CTNNA2: variants seen among roughly 807,000 people sequenced by gnomAD.
CTNNA2 encodes the protein catenin alpha 2.
CTNNA2 carries 42 observed loss-of-function variants against 101.0 expected under a neutral mutation model. That is an observed-to-expected ratio of 0.42 (90% CI 0.32 to 0.54). CTNNA2 has a LOEUF of 0.54. Among genes scored for constraint, CTNNA2 ranks in the 20% least tolerant of loss-of-function variants. The pLI is 0.14. For missense variants in CTNNA2, 871 were observed against 1,223.1 expected (o/e 0.71, Z 4.29); for synonymous variants, 450 against 456.4 (o/e 0.99, Z 0.18).
chr2:79,378,366 A>G lies in CTNNA2; in HGVS notation c.-135+4353A>G, dbSNP rs533388571. Among the ~76,000 whole-genome samples the G allele has an allele frequency of 2.6e-5, 4 of 152,250 alleles. No individual in the cohort carries two copies. In the East Asian group the frequency reaches 7.7e-4, roughly 29 times the overall value. ...AGCTTCAGATGTAATATATGTAAAT[A>G]TTGTGTAAATAAATATACATGTATT... On this transcript the variant is annotated intron_variant, in intron 4 of 21. Coordinates refer to the CTNNA2 transcript ENST00000466387.
At chr2:79,849,419 A>C (rs1400796656) in intron 3 of CTNNA2, among the ~76,000 whole-genome samples, 2 of 152,038 alleles carry the variant, frequency 1.3e-5, no homozygotes, top group Non-Finnish European at 2.9e-5. Flanking sequence ...CTTGGTGCTT[A>C]AAGTGTCCAC....
At chr2:80,602,450 G>A (rs1016185553) in intron 15 of CTNNA2, among the ~76,000 whole-genome samples, 6 of 152,020 alleles carry the variant, frequency 3.9e-5, no homozygotes, top group Non-Finnish European at 8.8e-5. Flanking sequence ...TGTTAGCAAT[G>A]CAGAATCAAA....
At chr2:80,424,542 A>T (rs910190616) in intron 9 of CTNNA2, among the ~76,000 whole-genome samples, 2 of 152,162 alleles carry the variant, frequency 1.3e-5, no homozygotes, top group Non-Finnish European at 2.9e-5. Flanking sequence ...CCTTCCAGAG[A>T]GGATTCACCC....
chr2:80,520,305 C>T (rs1689431835), intron 9 of CTNNA2, among the ~76,000 whole-genome samples: 1 of 151,870 alleles, frequency 6.6e-6, no homozygotes, highest in African/African-American at 2.4e-5. Context: ...GTGCCATCCC[C>T]TTTTCATTAT....
intron 17 of CTNNA2, among the ~76,000 whole-genome samples, chr2:80,608,726 G>C (rs1467669827): frequency 1.3e-5 from 2 of 151,764 alleles, no homozygotes; most frequent in Admixed American, 1.3e-4. Flanking sequence ...ACATGTTAGA[G>C]ATGATGAAAA....
At chr2:79,264,892 A>C (rs2104291461) in intron 2 of CTNNA2, among the ~76,000 whole-genome samples, 1 of 152,254 alleles carries the variant, frequency 6.6e-6, no homozygotes. Flanking sequence ...ATAGCTTTAC[A>C]TTCGAGACTG....
rs556135048 is a variant in CTNNA2, at chr2:79,319,018, G to C, written c.-318+6222G>C. 2.0e-5 allele frequency among the ~76,000 whole-genome samples: 3 copies of C among 152,264 alleles called. No homozygotes were observed. The East Asian group carries it at 5.8e-4, about 29-fold the overall frequency. On this transcript the variant is annotated intron_variant, in intron 3 of 21. Coordinates refer to the CTNNA2 transcript ENST00000466387. ...GATTTTCTGGTGACGGCTGAGGCTA[G>C]TACTAAAGATAAGGAAAGGACTCTA...
At chr2:80,337,446 T>C (rs1373929504) in intron 7 of CTNNA2, among the ~76,000 whole-genome samples, 2 of 151,920 alleles carry the variant, frequency 1.3e-5, no homozygotes, top group African/African-American at 4.8e-5. Flanking sequence ...ATGCTCTATT[T>C]GACTACACTC....
intron 2 of CTNNA2, among the ~76,000 whole-genome samples, chr2:79,298,481 C>T (rs151054670): frequency 4.9e-4 from 75 of 152,196 alleles, no homozygotes; most frequent in African/African-American, 1.7e-3. Flanking sequence ...TTGCGCATCA[C>T]CCCCCAAAAA....
At chr2:79,939,953 G>A (rs184424429) in intron 7 of CTNNA2, among the ~76,000 whole-genome samples, 105 of 152,222 alleles carry the variant, frequency 6.9e-4, no homozygotes, top group Admixed American at 1.1e-3. Context: ...TTAGCTGGGC[G>A]TGGTGGCATA....
At chr2:80,130,017 A>G (rs926973228) in intron 7 of CTNNA2, among the ~76,000 whole-genome samples, 1 of 152,144 alleles carries the variant, frequency 6.6e-6, no homozygotes, top group African/African-American at 2.4e-5. Context: ...ACTGGAGCTC[A>G]GTCTTGCAGG....
intron 7 of CTNNA2, among the ~76,000 whole-genome samples, chr2:80,059,888 G>A (rs924333904): frequency 7.2e-5 from 11 of 152,174 alleles, no homozygotes; most frequent in Admixed American, 5.9e-4. Flanking sequence ...TGGCATTCAG[G>A]AACAAATTCC....
chr2:79,837,992 T>C (rs1679520834), intron 3 of CTNNA2, among the ~76,000 whole-genome samples: 1 of 152,158 alleles, frequency 6.6e-6, no homozygotes, highest in Admixed American at 6.5e-5. Context: ...TGATTATGAA[T>C]ATTTATTATA....
chr2:80,027,239 A>G (rs1026789166), intron 7 of CTNNA2, among the ~76,000 whole-genome samples: 1 of 152,186 alleles, frequency 6.6e-6, no homozygotes, highest in Non-Finnish European at 1.5e-5. Context: ...GGAGGGGACC[A>G]GGTTTTCCAG....
intron 2 of CTNNA2, among the ~76,000 whole-genome samples, chr2:79,205,469 A>G (rs1361866689): frequency 6.6e-6 from 1 of 152,202 alleles, no homozygotes; most frequent in Non-Finnish European, 1.5e-5. Flanking sequence ...TTGAGAGGCA[A>G]TGAAATATTG....
intron 7 of CTNNA2, among the ~76,000 whole-genome samples, chr2:80,023,689 C>T (rs905110457): frequency 6.6e-6 from 1 of 152,100 alleles, no homozygotes; most frequent in Non-Finnish European, 1.5e-5. Context: ...AATCCAGGGC[C>T]CACAATCCAC....
At chr2:80,466,796 T>A (rs545390791) in intron 9 of CTNNA2, among the ~76,000 whole-genome samples, 21 of 152,292 alleles carry the variant, frequency 1.4e-4, no homozygotes, top group African/African-American at 5.1e-4. Flanking sequence ...TCAATGAAAA[T>A]AAGATTATAA....
intron 6 of CTNNA2, among the ~76,000 whole-genome samples, chr2:79,900,425 T>G (rs895145378): frequency 2.6e-5 from 4 of 152,178 alleles, no homozygotes; most frequent in African/African-American, 9.7e-5. Flanking sequence ...ATAAAATGCT[T>G]TAACAAATTT....
intron 15 of CTNNA2, among the ~76,000 whole-genome samples, chr2:80,594,559 A>T (rs139121882): frequency 6.6e-6 from 1 of 151,832 alleles, no homozygotes; most frequent in Non-Finnish European, 1.5e-5. Flanking sequence ...TTTTGGTGTC[A>T]TATGCAAGAA....
Sources: allele counts gnomAD v4.1 joint callset (sites outside exome capture counted in the v4.1 genomes callset), GRCh38; gene constraint gnomAD v4.1.1; transcripts MANE v1.5; gene names NCBI Gene and HGNC (gene_info 2026-07-23, HGNC 2026-07-21).